Variants in EPHA5 observed in about 807,000 individuals in gnomAD.
EPHA5 encodes the protein EPH receptor A5.
Under a neutral mutation model 105.0 loss-of-function variants are expected in EPHA5, and 60 were observed. That is an observed-to-expected ratio of 0.57 (90% confidence interval 0.46 to 0.71). The LOEUF is 0.71. Ranked by LOEUF, EPHA5 falls within the 30% of genes least tolerant of loss-of-function variation. The pLI is 0.00. For missense variants in EPHA5, 1,218 were observed against 1,274.7 expected, an observed-to-expected ratio of 0.96 and a Z score of 0.68; for synonymous variants, 513 against 449.1, an observed-to-expected ratio of 1.14 and a Z score of -1.80.
intron 11 of EPHA5, among the ~76,000 whole-genome samples, chr4:65,355,260 C>T (rs971363763): frequency 4.0e-5 from 6 of 151,656 alleles, no homozygotes; most frequent in East Asian, 1.9e-4. Context: ...GTGACAAATA[C>T]TGACCTTAAA....
chr4:65,566,303 A>G (rs1739527851), intron 3 of EPHA5, among the ~76,000 whole-genome samples: 1 of 151,796 alleles, frequency 6.6e-6, no homozygotes, highest in Non-Finnish European at 1.5e-5. Flanking sequence ...TCTCTCTGGT[A>G]GATGTGTATA....
At chr4:65,366,144 A>G in intron 9 of EPHA5, 87 bp from the exon 10 acceptor site, 4 of 1,266,684 alleles carry the variant, frequency 3.2e-6, no homozygotes, top group Non-Finnish European at 4.4e-6. Flanking sequence ...GTATGGCTTA[A>G]ATCTCTAATT....
Position 65,420,553 on chromosome 4 carries a change from A to G in EPHA5, c.1415T>C (p.Val472Ala). Residue 472 changes from valine (V) to alanine (A), a missense_variant, in exon 6 of 17, where the codon GTC becomes GCC. Val to Ala is a moderately conservative substitution (Grantham distance 64, BLOSUM62 0). Around this residue, in one of 3 missense-constraint regions of EPHA5, gnomAD observed 971 missense variants for 1,013.5 expected, o/e 0.96. Transcript: ENST00000613740. Reference protein sequence around the residue: ...VTTNQAAPSPVTNVKKGKIAK... With the variant: ...VTTNQAAPSPATNVKKGKIAK... Reference sequence around the variant, plus strand: ...AATTTTCCCTTTTTTCACATTGGTGACTGGAGATGGAGCTGCAAAATAGTT... The same window carrying G: ...AATTTTCCCTTTTTTCACATTGGTGGCTGGAGATGGAGCTGCAAAATAGTT... 1 of 1,612,848 alleles carries G rather than the reference A, an allele frequency of 6.2e-7. No individual in the cohort carries two copies.
At chr4:65,592,781 C>T (rs1163416510) in intron 3 of EPHA5, among the ~76,000 whole-genome samples, 2 of 152,256 alleles carry the variant, frequency 1.3e-5, no homozygotes, top group South Asian at 2.1e-4. Context: ...AATACTGAAC[C>T]TCTGACTAGC....
intron 11 of EPHA5, among the ~76,000 whole-genome samples, chr4:65,360,628 C>T (rs935314123): frequency 6.6e-6 from 1 of 151,434 alleles, no homozygotes; most frequent in African/African-American, 2.4e-5. Flanking sequence ...TTACTAAATT[C>T]TTAATGCAAT....
At chr4:65,466,057 G>C (rs77009834) in intron 5 of EPHA5, among the ~76,000 whole-genome samples, 4,873 of 152,306 alleles carry the variant, frequency 0.032, 208 homozygotes, top group East Asian at 0.19. Flanking sequence ...TATGTGCTGT[G>C]ACAAGAATAT....
At chr4:65,394,829 A>C (rs888252761) in intron 8 of EPHA5, among the ~76,000 whole-genome samples, 7 of 152,158 alleles carry the variant, frequency 4.6e-5, no homozygotes, top group Non-Finnish European at 1.0e-4. Context: ...CTATGTAATT[A>C]ATGTTAGATA....
At chr4:65,339,604 A>G (rs1404954019) in intron 14 of EPHA5, among the ~76,000 whole-genome samples, 1 of 152,174 alleles carries the variant, frequency 6.6e-6, no homozygotes, top group Non-Finnish European at 1.5e-5. Flanking sequence ...CTATTATTAA[A>G]CACTGAAATA....
rs535065061 is a variant in EPHA5 at position 65,378,054 on chromosome 4, T to C, written c.1794-10630A>G. On this transcript the variant is annotated intron_variant, in intron 8 of 16. Coordinates refer to ENST00000613740, the MANE Select transcript of EPHA5 (RefSeq NM_001281766.3). ...CAAAAAAAGTAAACAAAACATAAAC[T>C]TCCAATAAATTTGCAAACACTAATG... 5.3e-5 allele frequency among the ~76,000 whole-genome samples: 8 copies of C among 152,034 alleles called. No homozygotes were observed. The East Asian group carries it at 1.6e-3, about 30-fold the overall frequency.
chr4:65,328,300 C>T (rs919768348), intron 16 of EPHA5, among the ~76,000 whole-genome samples: 1 of 151,104 alleles, frequency 6.6e-6, no homozygotes, highest in Admixed American at 6.6e-5. Context: ...GTTGGGTTTA[C>T]ATTTCAGTAT....
At chr4:65,453,910 C>T (rs1441276164) in intron 5 of EPHA5, among the ~76,000 whole-genome samples, 1 of 152,092 alleles carries the variant, frequency 6.6e-6, no homozygotes, top group African/African-American at 2.4e-5. Context: ...CCTTATGCTG[C>T]CTCGGTTGAA....
At chr4:65,539,501 A>G (rs1231446269) in intron 3 of EPHA5, among the ~76,000 whole-genome samples, 2 of 151,602 alleles carry the variant, frequency 1.3e-5, no homozygotes, top group Non-Finnish European at 3.0e-5. Context: ...GTTTGATTCT[A>G]TAACCATGTT....
At chr4:65,376,226 C>A (rs550950361) in intron 8 of EPHA5, among the ~76,000 whole-genome samples, 79 of 152,104 alleles carry the variant, frequency 5.2e-4, no homozygotes, top group African/African-American at 1.8e-3. Context: ...ATTCTGACTA[C>A]AAATGACACT....
At position 65,602,251 on chromosome 4, in the gene EPHA5, T is replaced by C. The variant is rs2149441910; in HGVS notation, c.300A>G (p.Gln100=). 6.2e-7 allele frequency: 1 copy of C among 1,611,504 alleles called. No individual in the cohort carries two copies. Among genetic ancestry groups the C allele is most frequent in the Non-Finnish European group, 8.5e-7 (1 of 1,179,924 alleles). The change falls in exon 3 of 17, where the codon CAA becomes CAG. Residue 100 remains glutamine, a synonymous_variant. Transcript: ENST00000613740. ...GATTCTGTTCCATCACTTTGCATAC[T>C]TGGTATGTGTGGATAGGGGCATAAT... ...DENYAPIHTY[Q]VCKVMEQNQN...
intron 3 of EPHA5, among the ~76,000 whole-genome samples, chr4:65,532,670 A>G (rs73822192): frequency 0.051 from 3,550 of 70,270 alleles, 68 homozygotes; most frequent in African/African-American, 0.081. Context: ...TATTGGTTAC[A>G]GTTTTTTTTT....
chr4:65,495,353 A>AGTT, intron 4 of EPHA5, 35 bp downstream of exon 4: 1 of 1,598,982 alleles, frequency 6.3e-7, no homozygotes, highest in Middle Eastern at 1.7e-4. Context: ...AACTGGTTAA[A>AGTT]GTTAGCACCA....
intron 2 of EPHA5, among the ~76,000 whole-genome samples, chr4:65,612,017 A>AG (rs1744812733): frequency 4.6e-5 from 1 of 21,644 alleles, no homozygotes; most frequent in Non-Finnish European, 1.2e-4. Flanking sequence ...ACCCTCTCTC[A>AG]AAAAAAAAAA....
At chr4:65,437,372 T>C (rs920286999) in intron 5 of EPHA5, among the ~76,000 whole-genome samples, 4 of 152,032 alleles carry the variant, frequency 2.6e-5, no homozygotes, top group Admixed American at 6.6e-5. Flanking sequence ...AAATAGGCCT[T>C]AATGGTGTCC....
chr4:65,510,031 C>CTTT (rs11300558), intron 3 of EPHA5, among the ~76,000 whole-genome samples: 5 of 119,444 alleles, frequency 4.2e-5, no homozygotes, highest in East Asian at 2.4e-4. Flanking sequence ...ATACATACTT[C>CTTT]TTTTTTTTTT....
Sources: gnomAD v4.1 joint callset for allele counts (sites outside exome capture counted in the v4.1 genomes callset) on GRCh38, gnomAD v4.1.1 for gene constraint, gnomAD v4.1.1 regional missense constraint, MANE v1.5 for transcripts, NCBI Gene and HGNC (gene_info 2026-07-23, HGNC 2026-07-21) for gene names.